The following BCR variants were observed in gnomAD, a reference collection of about 807,000 sequenced individuals.
BCR encodes the protein breakpoint cluster region protein.
Under a neutral mutation model 138.6 loss-of-function variants are expected in BCR, and 58 were observed. The observed-to-expected ratio is 0.42, with a 90% CI of 0.34 to 0.52. The LOEUF (loss-of-function observed/expected upper bound fraction) is 0.52. Ranked by LOEUF, BCR falls within the 20% of genes least tolerant of loss-of-function variation. The pLI is 0.06. For missense variants in BCR, 1,599 were observed against 1,727.2 expected (o/e 0.93, Z 1.32); for synonymous variants, 786 against 730.1 (o/e 1.08, Z -1.23).
intron 1 of BCR, among the ~76,000 whole-genome samples, chr22:23,208,150 G>T (rs566740894): frequency 6.6e-6 from 1 of 152,292 alleles, no homozygotes; most frequent in South Asian, 2.1e-4. Context: ...TTGGTACCCC[G>T]TGAGGCTTGT....
rs1399416763 is a variant in BCR at position 23,295,119 on chromosome 22, G to A, written c.2976G>A (p.Glu992=). Reference sequence around the variant, plus strand: ...CGAAGATCCCCAAGGAGGACGGCGAGAGCACGGACAGACTCATGGGGAAGG... The same window carrying A: ...CGAAGATCCCCAAGGAGGACGGCGAAAGCACGGACAGACTCATGGGGAAGG... ...NKTKIPKEDG[E]STDRLMGKGQ... The change falls in exon 16 of 23, where the codon GAG becomes GAA. Residue 992 remains glutamate, a synonymous_variant. Transcript: ENST00000305877. 1.9e-6 allele frequency: 3 copies of A among 1,614,122 alleles called. No homozygotes were observed. The highest frequency in any genetic ancestry group is 2.2e-5 in the South Asian group (2 of 91,078).
intron 1 of BCR, among the ~76,000 whole-genome samples, chr22:23,209,017 G>A (rs745364907): frequency 5.3e-5 from 8 of 152,106 alleles, no homozygotes; most frequent in Non-Finnish European, 7.3e-5. Flanking sequence ...CTTATTTCAC[G>A]TAACGTCATG....
intron 8 of BCR, among the ~76,000 whole-genome samples, chr22:23,276,823 G>A (rs1159368037): frequency 2.0e-5 from 3 of 152,248 alleles, no homozygotes; most frequent in Admixed American, 6.5e-5. Flanking sequence ...GCGAAGCCCC[G>A]TCAGGGTCCG....
At chr22:23,199,255 G>A (rs769842444) in intron 1 of BCR, 1 of 518,704 alleles carries the variant, frequency 1.9e-6, no homozygotes, top group South Asian at 1.4e-5. Flanking sequence ...TCTCTTCTCT[G>A]TGCAAGAGCC....
At chr22:23,266,194 C>T (rs1295943179) in intron 4 of BCR, among the ~76,000 whole-genome samples, 2 of 152,122 alleles carry the variant, frequency 1.3e-5, no homozygotes, top group Non-Finnish European at 2.9e-5. Flanking sequence ...AGGCGATTCT[C>T]CTGCCTCAGC....
At chr22:23,268,559 A>G (rs777325954) in intron 5 of BCR, 44 bp downstream of exon 5, 5 of 1,497,958 alleles carry the variant, frequency 3.3e-6, no homozygotes, top group Non-Finnish European at 4.6e-6. Context: ...GCTGACTCCC[A>G]CCTGTACCCT....
chr22:23,277,092 C>G (rs1484936888), intron 8 of BCR, among the ~76,000 whole-genome samples: 1 of 152,246 alleles, frequency 6.6e-6, no homozygotes, highest in African/African-American at 2.4e-5. Context: ...CTCCAGGCTA[C>G]TTCCTCTTAG....
At chr22:23,306,742 C>G (rs1191707873) in intron 16 of BCR, 1 of 152,260 alleles carries the variant, frequency 6.6e-6, no homozygotes, top group Non-Finnish European at 1.5e-5. Flanking sequence ...GCTGGAAGCT[C>G]TCGTTTAGCC....
At chr22:23,195,268 A>G (rs2072464203) in intron 1 of BCR, among the ~76,000 whole-genome samples, 1 of 151,584 alleles carries the variant, frequency 6.6e-6, no homozygotes, top group Admixed American at 6.6e-5. Context: ...TAAAAATACA[A>G]AATTAGCTGG....
intron 2 of BCR, among the ~76,000 whole-genome samples, chr22:23,259,377 C>G (rs2073331715): frequency 6.6e-6 from 1 of 152,176 alleles, no homozygotes; most frequent in African/African-American, 2.4e-5. Flanking sequence ...TACAAGCACC[C>G]CAGTCCTGGT....
rs2073408621 is a variant in BCR, at chr22:23,264,178, C to A, written c.1752+2638C>A. On this transcript the variant is annotated intron_variant, in intron 4 of 22. Coordinates refer to ENST00000305877, the MANE Select transcript of BCR (RefSeq NM_004327.4). ...ACAGATGGCAACCACTTGCTTGCCA[C>A]AGGTTCCTCCTTCTATAGCGTTGTA... The A allele has an allele frequency of 3.0e-6, 4 of 1,327,594 alleles. No homozygotes were observed. In the African/African-American group the frequency reaches 4.3e-5, roughly 14 times the overall value. 82.2% of individuals were successfully genotyped at this position (1,327,594 alleles called of 1,614,324 possible).
At chr22:23,206,941 T>TCCTCCCTC (rs933721388) in intron 1 of BCR, among the ~76,000 whole-genome samples, 1 of 29,966 alleles carries the variant, frequency 3.3e-5, no homozygotes, top group Non-Finnish European at 7.6e-5. Context: ...ATCCATTCAT[T>TCCTCCCTC]CCTCCCTCCC....
intron 12 of BCR, among the ~76,000 whole-genome samples, chr22:23,288,754 G>A (rs975559462): frequency 6.6e-6 from 1 of 152,202 alleles, no homozygotes; most frequent in Admixed American, 6.5e-5. Flanking sequence ...CCTGTCTGGG[G>A]CAGCCCCTTC....
chr22:23,271,065 G>A (rs977210936), intron 5 of BCR, among the ~76,000 whole-genome samples: 1 of 152,238 alleles, frequency 6.6e-6, no homozygotes. Context: ...AGTGACGTGT[G>A]TTTAGGAGCA....
At chr22:23,269,355 G>T (rs1394160627) in intron 5 of BCR, among the ~76,000 whole-genome samples, 1 of 152,198 alleles carries the variant, frequency 6.6e-6, no homozygotes, top group African/African-American at 2.4e-5. Context: ...TTCTGACTTG[G>T]CTTTCCCCCA....
At chr22:23,289,715 G>A (rs932952765) in intron 13 of BCR, 94 bp downstream of exon 13, 2 of 1,042,650 alleles carry the variant, frequency 1.9e-6, no homozygotes, top group Admixed American at 2.0e-5. Context: ...CACTTTTGAT[G>A]GGACTAGTGG....
chr22:23,304,671 A>G (rs1370465386), intron 16 of BCR, among the ~76,000 whole-genome samples: 1 of 152,200 alleles, frequency 6.6e-6, no homozygotes, highest in Non-Finnish European at 1.5e-5. Context: ...TAGCTGCACC[A>G]TCTTACATCC....
chr22:23,303,513 GC>G (rs1334793918), intron 16 of BCR, among the ~76,000 whole-genome samples: 2 of 152,232 alleles, frequency 1.3e-5, no homozygotes, highest in African/African-American at 4.8e-5. Context: ...GGTCCATGTG[GC>G]AGAGGCACCA....
intron 1 of BCR, among the ~76,000 whole-genome samples, chr22:23,209,792 A>G (rs984396391): frequency 1.3e-5 from 2 of 151,598 alleles, no homozygotes; most frequent in Non-Finnish European, 2.9e-5. Flanking sequence ...ATCCGCGCCC[A>G]GCCTATTTTT....
Sources: gnomAD v4.1 joint callset for allele counts (sites outside exome capture counted in the v4.1 genomes callset) on GRCh38, gnomAD v4.1.1 for gene constraint, MANE v1.5 for transcripts, NCBI Gene and HGNC (gene_info 2026-07-23, HGNC 2026-07-21) for gene names.